The following LIN28B variants were observed in gnomAD, a reference collection of about 807,000 sequenced individuals.
LIN28B encodes the protein protein lin-28 homolog B.
LIN28B carries 5 observed loss-of-function variants against 21.9 expected under a neutral mutation model. The ratio of observed to expected loss-of-function variants is 0.23; its 90% CI spans 0.12 to 0.48. The LOEUF (loss-of-function observed/expected upper bound fraction) is 0.48. LIN28B is among the 20% of genes least tolerant of loss of function. LIN28B has a pLI of 0.98. For missense variants in LIN28B, 245 were observed against 310.5 expected (o/e 0.79, Z 1.58); for synonymous variants, 109 against 111.3 (o/e 0.98, Z 0.13).
At chr6:104,956,438 T>C (rs1447082041), upstream of LIN28B, among the ~76,000 whole-genome samples, 2 of 152,208 alleles carry the variant, frequency 1.3e-5, no homozygotes, top group Non-Finnish European at 2.9e-5. Context: ...ATGGTTTACC[T>C]AAACACAATT....
At chr6:105,021,342 T>G (rs1771137364) in intron 2 of LIN28B, among the ~76,000 whole-genome samples, 1 of 152,214 alleles carries the variant, frequency 6.6e-6, no homozygotes. Flanking sequence ...CAAGTGTGGT[T>G]ATCTTTGATA....
intron 3 of LIN28B, among the ~76,000 whole-genome samples, chr6:105,032,299 T>C (rs1051431405): frequency 4.6e-5 from 7 of 152,188 alleles, no homozygotes; most frequent in Non-Finnish European, 8.8e-5. Flanking sequence ...TAAGGTCATA[T>C]ATGTATGTTT....
At position 104,973,477 on chromosome 6, in the gene LIN28B, A is replaced by G. The variant is rs536285612; in HGVS notation, c.198+15191A>G. ...ATAATTTGATCTGCCACCAGGAATT[A>G]TTACAGCCTTAAGTCGTCTCTTTCT... is the stretch of plus-strand genomic sequence containing the variant. On this transcript the variant is annotated intron_variant, in intron 2 of 3. Transcript: ENST00000345080. 5.3e-5 allele frequency among the ~76,000 whole-genome samples: 8 copies of G among 152,292 alleles called. No homozygotes were observed. The South Asian group carries it at 1.7e-3, about 32-fold the overall frequency.
At chr6:105,011,716 G>A (rs1407216148) in intron 2 of LIN28B, among the ~76,000 whole-genome samples, 1 of 151,982 alleles carries the variant, frequency 6.6e-6, no homozygotes, top group African/African-American at 2.4e-5. Flanking sequence ...CGGGCATGGT[G>A]GCATGCGCCT....
At chr6:104,991,335 A>G (rs1582882606) in intron 2 of LIN28B, among the ~76,000 whole-genome samples, 1 of 136,966 alleles carries the variant, frequency 7.3e-6, no homozygotes, top group East Asian at 2.4e-4. Flanking sequence ...CACCTCTCAG[A>G]GTGGGCGGCC....
At chr6:105,017,982 G>A (rs1771063396) in intron 2 of LIN28B, among the ~76,000 whole-genome samples, 1 of 152,180 alleles carries the variant, frequency 6.6e-6, no homozygotes, top group East Asian at 1.9e-4. Context: ...TCAATCAAAA[G>A]TTTCCATTGG....
chr6:104,967,536 A>G (rs1769886334), intron 2 of LIN28B, among the ~76,000 whole-genome samples: 1 of 142,308 alleles, frequency 7.0e-6, no homozygotes, highest in Non-Finnish European at 1.5e-5. Context: ...AACCGAGATC[A>G]TGCCATTGCA....
intron 2 of LIN28B, among the ~76,000 whole-genome samples, chr6:104,967,153 C>T (rs905707212): frequency 1.3e-5 from 2 of 151,944 alleles, no homozygotes; most frequent in Non-Finnish European, 2.9e-5. Context: ...GAGATTAATT[C>T]ATATGCATTT....
chr6:104,946,897 A>C (rs896370620), intron 2 of LIN28B, among the ~76,000 whole-genome samples: 5 of 152,292 alleles, frequency 3.3e-5, no homozygotes, highest in Non-Finnish European at 7.4e-5. Flanking sequence ...AAAATGTTGA[A>C]AAATTCTGGA....
chr6:105,067,320 T>C (rs576570200), intron 3 of LIN28B, among the ~76,000 whole-genome samples: 1 of 152,330 alleles, frequency 6.6e-6, no homozygotes, highest in Non-Finnish European at 1.5e-5. Flanking sequence ...AGGATGAATG[T>C]AAACCTGCAG....
intron 3 of LIN28B, among the ~76,000 whole-genome samples, chr6:105,051,127 G>T (rs1771892513): frequency 6.6e-6 from 1 of 151,436 alleles, no homozygotes; most frequent in African/African-American, 2.4e-5. Flanking sequence ...AGAAAAAAAT[G>T]TAGTTAATAA....
chr6:105,011,119 G>C (rs1237428114), intron 2 of LIN28B, among the ~76,000 whole-genome samples: 1 of 152,128 alleles, frequency 6.6e-6, no homozygotes, highest in Non-Finnish European at 1.5e-5. Context: ...AATAGCCTTG[G>C]AACATAGGAA....
intron 3 of LIN28B, among the ~76,000 whole-genome samples, chr6:105,060,133 C>T (rs1009340745): frequency 6.6e-6 from 1 of 152,200 alleles, no homozygotes; most frequent in Non-Finnish European, 1.5e-5. Context: ...GAACTCCCAA[C>T]CTCAGGTGAT....
chr6:105,052,716 A>G (rs1771931366), intron 3 of LIN28B, among the ~76,000 whole-genome samples: 1 of 152,204 alleles, frequency 6.6e-6, no homozygotes, highest in African/African-American at 2.4e-5. Context: ...CTTAATGACT[A>G]CAAGATACAT....
chr6:105,024,282 G>A (rs538562781), intron 2 of LIN28B, among the ~76,000 whole-genome samples: 5 of 151,978 alleles, frequency 3.3e-5, no homozygotes, highest in Admixed American at 6.6e-5. Context: ...GTGAGCTACC[G>A]CGCTTAGCCC....
chr6:105,028,251 T>C (rs1771327363), intron 3 of LIN28B, among the ~76,000 whole-genome samples: 1 of 152,150 alleles, frequency 6.6e-6, no homozygotes. Flanking sequence ...TTTTTTCATA[T>C]TGGATCTTGT....
upstream of LIN28B, among the ~76,000 whole-genome samples, chr6:104,956,148 C>T (rs1778286461): frequency 6.6e-6 from 1 of 151,936 alleles, no homozygotes; most frequent in Non-Finnish European, 1.5e-5. Context: ...CCCCTGCCCG[C>T]GCCGGCTTTT....
intron 3 of LIN28B, among the ~76,000 whole-genome samples, chr6:105,053,893 G>A (rs1375713127): frequency 6.6e-6 from 1 of 152,062 alleles, no homozygotes; most frequent in Non-Finnish European, 1.5e-5. Flanking sequence ...ATGGGCACCT[G>A]CCACCACGCC....
chr6:105,067,072 ATGGTT>A (rs1250716556), intron 3 of LIN28B, among the ~76,000 whole-genome samples: 2 of 152,234 alleles, frequency 1.3e-5, no homozygotes, highest in Admixed American at 1.3e-4. Context: ...AGCAGCCCTG[ATGGTT>A]TTAAGTTTTC....
Sources: gnomAD v4.1 joint callset for allele counts (sites outside exome capture counted in the v4.1 genomes callset) on GRCh38, gnomAD v4.1.1 for gene constraint, MANE v1.5 for transcripts, NCBI Gene and HGNC (gene_info 2026-07-23, HGNC 2026-07-21) for gene names.